The following PTGES3L variants were observed in gnomAD, a reference collection of about 807,000 sequenced individuals.
PTGES3L encodes the protein prostaglandin E synthase 3 like.
In PTGES3L, 17 loss-of-function variants were observed where a neutral mutation model predicts 25.0. That is an observed-to-expected ratio of 0.68 (90% CI 0.47 to 1.02). The LOEUF is 1.02. PTGES3L is among the 50% of genes least tolerant of loss of function. The probability of loss-of-function intolerance (pLI) is 0.00; values close to 1 mark genes in which losing one functional copy is unlikely to be tolerated. For synonymous variants in PTGES3L, 59 were observed against 65.7 expected, an observed-to-expected ratio of 0.90 and a Z score of 0.50; for missense variants, 202 against 197.5, an observed-to-expected ratio of 1.02 and a Z score of -0.14.
chr17:42,969,210 CAA>C (rs2049789613), intron 6 of PTGES3L, 24 bp from the exon 7 acceptor site: 5 of 1,267,466 alleles, frequency 3.9e-6, no homozygotes, highest in Non-Finnish European at 5.6e-6. Context: ...GGAAAAAAGA[CAA>C]AGCACCTGTA....
intron 4 of PTGES3L, among the ~76,000 whole-genome samples, chr17:42,975,844 C>T (rs1031783943): frequency 5.3e-5 from 8 of 150,406 alleles, no homozygotes; most frequent in African/African-American, 2.0e-4. Flanking sequence ...GCTCTGCTAA[C>T]TTTCGTATTT....
intron 4 of PTGES3L, 90 bp downstream of exon 4, chr17:42,979,080 T>C (rs754879807): frequency 3.0e-6 from 4 of 1,347,256 alleles, no homozygotes; most frequent in Non-Finnish European, 4.3e-6. Flanking sequence ...TGTTGAGTGA[T>C]TGAATATTGG....
At chr17:42,971,911 C>T (rs553136903) in intron 4 of PTGES3L, 18 of 515,044 alleles carry the variant, frequency 3.5e-5, no homozygotes, top group Non-Finnish European at 5.6e-5. Context: ...ACCCTCCGGC[C>T]AGGCGTGGTG....
At chr17:42,978,855 C>G (rs1285899304) in intron 4 of PTGES3L, among the ~76,000 whole-genome samples, 1 of 152,080 alleles carries the variant, frequency 6.6e-6, no homozygotes, top group South Asian at 2.1e-4. Context: ...ACAAAATTAG[C>G]TGGGCGTGGT....
chr17:42,972,526 G>A (rs1277461756), intron 4 of PTGES3L, among the ~76,000 whole-genome samples: 1 of 152,200 alleles, frequency 6.6e-6, no homozygotes, highest in Non-Finnish European at 1.5e-5. Context: ...GTTTCGCTGT[G>A]TTGGCTGGGC....
intron 4 of PTGES3L, among the ~76,000 whole-genome samples, chr17:42,972,467 C>A (rs1473198030): frequency 6.6e-6 from 1 of 151,742 alleles, no homozygotes; most frequent in African/African-American, 2.4e-5. Context: ...CGAGTGCCTG[C>A]GATTGCAGGC....
At chr17:42,972,854 C>A (rs1046363901) in intron 4 of PTGES3L, among the ~76,000 whole-genome samples, 1 of 148,582 alleles carries the variant, frequency 6.7e-6, no homozygotes, top group Non-Finnish European at 1.5e-5. Flanking sequence ...TCCGCCCGGC[C>A]GCCATCCCAT....
At chr17:42,972,380 G>A (rs2049859519) in intron 4 of PTGES3L, among the ~76,000 whole-genome samples, 1 of 129,568 alleles carries the variant, frequency 7.7e-6, no homozygotes, top group South Asian at 2.8e-4. Flanking sequence ...CCTCTCATGC[G>A]GAGCCGAAGC....
intron 4 of PTGES3L, among the ~76,000 whole-genome samples, chr17:42,973,200 T>C (rs2049884253): frequency 8.6e-6 from 1 of 116,410 alleles, no homozygotes. Context: ...TGGGGGGGGG[T>C]CAGCCCCCCG....
At chr17:42,972,091 G>A (rs8071431) in intron 4 of PTGES3L, 21,989 of 190,112 alleles carry the variant, frequency 0.12, 1,826 homozygotes, top group African/African-American at 0.24. Context: ...GGGAGGCTGA[G>A]GCAGGAGAAT....
intron 4 of PTGES3L, 134 bp from the exon 5 acceptor site, chr17:42,971,830 C>A (rs1368421457): frequency 3.2e-5 from 23 of 724,962 alleles, no homozygotes; most frequent in Non-Finnish European, 4.7e-5. Context: ...CAACTGCACT[C>A]CTTTGACCAG....
intron 4 of PTGES3L, among the ~76,000 whole-genome samples, chr17:42,972,736 GCCGCCACCCCGT>G (rs1020001377): frequency 6.6e-6 from 1 of 151,980 alleles, no homozygotes; most frequent in African/African-American, 2.4e-5. Context: ...CCTCTGCCCG[GCCGCCACCCCGT>G]CTGGGAAGTG....
chr17:42,975,702 A>G (rs1265380193), intron 4 of PTGES3L, among the ~76,000 whole-genome samples: 1 of 152,086 alleles, frequency 6.6e-6, no homozygotes, highest in East Asian at 1.9e-4. Flanking sequence ...TCTGAGACAG[A>G]GTCTCACTCT....
chr17:42,973,179 CGG>C (rs1567723405), intron 4 of PTGES3L, among the ~76,000 whole-genome samples: 1 of 144,334 alleles, frequency 6.9e-6, no homozygotes, highest in East Asian at 2.7e-4. Flanking sequence ...CCACCCCATC[CGG>C]GAGGGAGGTG....
At chr17:42,970,549 A>G (rs1469790478) in intron 5 of PTGES3L, among the ~76,000 whole-genome samples, 1 of 152,166 alleles carries the variant, frequency 6.6e-6, no homozygotes, top group Non-Finnish European at 1.5e-5. Context: ...GGAGTCGGCT[A>G]GTGTTTTTAT....
Position 42,970,299 on chromosome 17 carries a change from T to A in PTGES3L, c.422A>T (p.Asp141Val), listed in dbSNP as rs2049809198. 6.2e-7 allele frequency: 1 copy of A among 1,613,862 alleles called. No individual in the cohort carries two copies. Among genetic ancestry groups the A allele is most frequent in the Non-Finnish European group, 8.5e-7 (1 of 1,179,878 alleles). Residue 141 changes from aspartate (D) to valine (V), a missense_variant, in exon 6 of 7, where the codon GAT becomes GTT. Physicochemically the swap from Asp to Val is radical, Grantham distance 152. Coordinates refer to ENST00000591916, the MANE Select transcript of PTGES3L (RefSeq NM_001261430.2). ...VSTKRPPPAM[D>V]DLDDDSDSAD... ...GAAGGCTTTACTTACATCCAAATCA[T>A]CCATGGCAGGTGGAGGTCTCTTGGT...
chr17:42,977,333 G>A (rs1324506405), intron 4 of PTGES3L, among the ~76,000 whole-genome samples: 1 of 152,026 alleles, frequency 6.6e-6, no homozygotes, highest in Admixed American at 6.6e-5. Flanking sequence ...GGCTGAGGAA[G>A]GAGAATCACT....
At chr17:42,979,503 G>A in intron 2 of PTGES3L, 47 bp downstream of exon 2, 1 of 1,614,164 alleles carries the variant, frequency 6.2e-7, no homozygotes, top group Non-Finnish European at 8.5e-7. Context: ...CATTAGGAAA[G>A]GGGTAGATTC....
rs1482998381 is a variant in PTGES3L at position 42,970,674 on chromosome 17, G to GCACACACACA, written c.379-333_379-332insTGTGTGTGTG. On this transcript the variant is annotated intron_variant, in intron 5 of 6. Coordinates refer to ENST00000591916, the MANE Select transcript of PTGES3L (RefSeq NM_001261430.2). ...CCCATGAAGTTGTCTGGCTTAACAC[G>GCACACACACA]CGCACACACACACACACACACACAC... Among the ~76,000 whole-genome samples, 491 of 105,676 alleles carry GCACACACACA rather than the reference G, an allele frequency of 4.6e-3. 11 individuals are homozygous for GCACACACACA. Among genetic ancestry groups the GCACACACACA allele is most frequent in the African/African-American group, 0.015 (461 of 30,616 alleles). The allele number at this position is 105,676 out of a possible 152,430, so 69.3% of individuals were successfully genotyped here. A position where few individuals can be genotyped will look rare whatever the true frequency, so the allele number is the denominator to read the frequency against.
Sources: gnomAD v4.1 joint callset for allele counts (sites outside exome capture counted in the v4.1 genomes callset) on GRCh38, gnomAD v4.1.1 for gene constraint, MANE v1.5 for transcripts, NCBI Gene and HGNC (gene_info 2026-07-23, HGNC 2026-07-21) for gene names.